LUC7L2: variants seen among roughly 807,000 people sequenced by gnomAD.
LUC7L2 encodes the protein putative RNA-binding protein Luc7-like 2.
Under a neutral mutation model 52.8 loss-of-function variants are expected in LUC7L2, and 25 were observed. That is an observed-to-expected ratio of 0.47 (90% CI 0.34 to 0.66). The LOEUF is 0.66. Ranked by LOEUF, LUC7L2 falls within the 30% of genes least tolerant of loss-of-function variation. The pLI is 0.01. For synonymous variants in LUC7L2, 144 were observed against 160.9 expected, an observed-to-expected ratio of 0.89 and a Z score of 0.80; for missense variants, 328 against 497.8, an observed-to-expected ratio of 0.66 and a Z score of 3.25.
chr7:139,409,632 G>GA lies in LUC7L2; in HGVS notation c.759dup (p.Glu254ArgfsTer34). 6.2e-7 allele frequency: 1 copy of GA among 1,609,980 alleles called. No homozygotes were observed. The highest frequency in any genetic ancestry group is 8.5e-7 in the Non-Finnish European group (1 of 1,177,770). On this transcript the variant is annotated frameshift_variant, in exon 7 of 10. Coordinates refer to ENST00000354926, the MANE Select transcript of LUC7L2 (RefSeq NM_016019.5). LOFTEE classifies it high-confidence loss of function. ...GAAACGAAGAGAAGAGAGAGAGAGA[G>GA]AAGAAAGGGAGAAGCTGAGGAGGTA... is the stretch of plus-strand genomic sequence containing the variant.
intron 1 of LUC7L2, chr7:139,340,626 C>G (rs768240240): frequency 5.0e-6 from 2 of 396,538 alleles, no homozygotes; most frequent in African/African-American, 2.1e-5. Flanking sequence ...TAGGGTAAGG[C>G]GAAAATGAAG....
upstream of LUC7L2, among the ~76,000 whole-genome samples, chr7:139,355,513 A>T (rs149302867): frequency 6.6e-6 from 1 of 152,196 alleles, no homozygotes; most frequent in Non-Finnish European, 1.5e-5. Flanking sequence ...AAGGTCAAAG[A>T]AGCAGCCAAG....
At chr7:139,405,539 A>G (rs1172927399) in intron 4 of LUC7L2, 105 bp from the exon 5 acceptor site, 11 of 1,363,930 alleles carry the variant, frequency 8.1e-6, no homozygotes, top group Non-Finnish European at 9.7e-6. Flanking sequence ...CTTTAACCAC[A>G]TACTGCCTTA....
chr7:139,422,032 A>G, intron 9 of LUC7L2, 131 bp from the exon 10 acceptor site: 3 of 1,371,924 alleles, frequency 2.2e-6, no homozygotes, highest in Non-Finnish European at 2.9e-6. Flanking sequence ...TTGTCAGAAA[A>G]CTGACTCCTC....
chr7:139,387,195 A>C (rs1368728348), intron 2 of LUC7L2, among the ~76,000 whole-genome samples: 2 of 152,080 alleles, frequency 1.3e-5, no homozygotes, highest in Non-Finnish European at 2.9e-5. Flanking sequence ...AGGATCAAAA[A>C]TAAAGATATG....
intron 2 of LUC7L2, among the ~76,000 whole-genome samples, chr7:139,391,297 T>C (rs911900111): frequency 2.6e-5 from 4 of 152,232 alleles, no homozygotes; most frequent in Admixed American, 6.5e-5. Flanking sequence ...GTAGAAATTA[T>C]ATTCTCATGC....
At chr7:139,379,986 C>T (rs1019006684) in intron 2 of LUC7L2, among the ~76,000 whole-genome samples, 1 of 151,570 alleles carries the variant, frequency 6.6e-6, no homozygotes, top group Non-Finnish European at 1.5e-5. Context: ...CCAGCCTGGC[C>T]AACCAACATG....
Position 139,359,983 on chromosome 7 carries a change from A to C in LUC7L2, c.-279A>C, listed in dbSNP as rs948786760. ...GGCGGGTGGCGGTGTTGAAGGCGAG[A>C]GCTTGCTTGGCCCGTGTCGCTTCTG... On this transcript the variant is annotated 5_prime_UTR_variant, in exon 1 of 10. Transcript: ENST00000354926. The C allele has an allele frequency of 3.5e-5, 15 of 427,830 alleles. No homozygotes were observed. The highest frequency in any genetic ancestry group is 6.2e-5 in the African/African-American group (3 of 48,468). The allele number at this position is 427,830 out of a possible 1,614,324, so 26.5% of individuals were successfully genotyped here.
rs1794946514 is a variant in LUC7L2 at position 139,402,249 on chromosome 7, T to C, written c.366+2T>C. On this transcript the variant is annotated splice_donor_variant, in intron 4 of 9. Transcript: ENST00000354926. LOFTEE classifies it high-confidence loss of function. Reference sequence around the variant, plus strand: ...ATTAGTGCTGAAGTAGCAGCAAAGGTAAGAATTTTAATCATTTCATTAGTA... The same window carrying C: ...ATTAGTGCTGAAGTAGCAGCAAAGGCAAGAATTTTAATCATTTCATTAGTA... 1 of 1,587,050 alleles carries C rather than the reference T, an allele frequency of 6.3e-7. No homozygotes were observed.
At chr7:139,402,090 A>G (rs1197639088) in intron 3 of LUC7L2, 47 bp from the exon 4 acceptor site, 1 of 1,528,058 alleles carries the variant, frequency 6.5e-7, no homozygotes. Flanking sequence ...ATATTTCTGA[A>G]TAAAATTGAC....
At chr7:139,378,688 C>T (rs917677464) in intron 2 of LUC7L2, among the ~76,000 whole-genome samples, 1 of 152,216 alleles carries the variant, frequency 6.6e-6, no homozygotes, top group African/African-American at 2.4e-5. Context: ...CTATCACACT[C>T]TGTCCCAAAA....
chr7:139,384,512 T>C (rs1032118865), intron 2 of LUC7L2, among the ~76,000 whole-genome samples: 17 of 152,202 alleles, frequency 1.1e-4, no homozygotes, highest in Admixed American at 3.9e-4. Flanking sequence ...ATTACAAAAA[T>C]ATATATTCTC....
At chr7:139,368,685 C>T (rs980881342) in intron 1 of LUC7L2, among the ~76,000 whole-genome samples, 2 of 148,184 alleles carry the variant, frequency 1.3e-5, no homozygotes, top group African/African-American at 5.2e-5. Context: ...TTGCTGTGAG[C>T]CCACATGGTG....
At chr7:139,416,348 T>C (rs150300471) in intron 8 of LUC7L2, 294 of 152,044 alleles carry the variant, frequency 1.9e-3, no homozygotes, top group African/African-American at 6.8e-3. Context: ...TGGGTTTTTT[T>C]CTTTTCAAAA....
intron 1 of LUC7L2, chr7:139,345,620 G>A: frequency 6.2e-7 from 1 of 1,614,186 alleles, no homozygotes; most frequent in South Asian, 1.1e-5. Context: ...TTCATGGCAA[G>A]GGTGAGCGCT....
chr7:139,341,529 G>T, intron 1 of LUC7L2: 1 of 1,610,426 alleles, frequency 6.2e-7, no homozygotes, highest in Non-Finnish European at 8.5e-7. Context: ...TCGGGTACGG[G>T]AGCCATGTCC....
Position 139,415,573 on chromosome 7 carries a change from C to CTT in LUC7L2, c.810-1945_810-1944dup, listed in dbSNP as rs376954972. On this transcript the variant is annotated intron_variant, in intron 8 of 9. Coordinates refer to ENST00000354926, the MANE Select transcript of LUC7L2 (RefSeq NM_016019.5). ...ACTCTTTTCAGCTGTGGAAATAACG[C>CTT]TTTTTTTTTTTTTTTTTTTTTGAGA... Among the ~76,000 whole-genome samples, 285 of 116,148 alleles carry CTT rather than the reference C, an allele frequency of 2.5e-3. 1 individual carries two copies. Among genetic ancestry groups the CTT allele is most frequent in the East Asian group, 7.8e-3 (30 of 3,826 alleles). 76.2% of individuals were successfully genotyped at this position (116,148 alleles called of 152,430 possible).
chr7:139,383,193 G>A (rs374965477), intron 2 of LUC7L2, among the ~76,000 whole-genome samples: 3 of 151,004 alleles, frequency 2.0e-5, no homozygotes, highest in Non-Finnish European at 4.4e-5. Flanking sequence ...TTGGCTCACC[G>A]CAACCTCTGC....
At position 139,398,697 on chromosome 7, in the gene LUC7L2, T is replaced by C; in HGVS notation, c.255T>C (p.Asp85=). The change falls in exon 3 of 10, where the codon GAT becomes GAC. Residue 85 remains aspartate, a splice_region_variant and synonymous_variant. Transcript: ENST00000354926. ...SKEQDFFFEL[D]AMDHLQSFIA... is the part of the protein sequence containing the mutation. Reference sequence around the variant, plus strand: ...AACAAGATTTTTTCTTTGAACTTGATGTATGTGATTTTGCTTTAATGGTTT... The same window carrying C: ...AACAAGATTTTTTCTTTGAACTTGACGTATGTGATTTTGCTTTAATGGTTT... 2 of 1,609,392 alleles carry C rather than the reference T, an allele frequency of 1.2e-6. No individual in the cohort carries two copies. The highest frequency in any genetic ancestry group is 8.5e-7 in the Non-Finnish European group (1 of 1,178,644).
Sources: gnomAD v4.1 joint callset for allele counts (sites outside exome capture counted in the v4.1 genomes callset) on GRCh38, gnomAD v4.1.1 for gene constraint, MANE v1.5 for transcripts, NCBI Gene and HGNC (gene_info 2026-07-23, HGNC 2026-07-21) for gene names.